The following LRP4 variants were observed in gnomAD, a reference collection of about 807,000 sequenced individuals.
The protein encoded by LRP4 is LDL receptor related protein 4.
LRP4 carries 95 observed loss-of-function variants against 220.3 expected under a neutral mutation model. That is an observed-to-expected ratio of 0.43 (90% CI 0.37 to 0.51). The LOEUF (loss-of-function observed/expected upper bound fraction) is 0.51. Among genes scored for constraint, LRP4 ranks in the 20% least tolerant of loss-of-function variants. The pLI is 0.00. For synonymous variants in LRP4, 903 were observed against 954.6 expected, an observed-to-expected ratio of 0.95 and a Z score of 1.00; for missense variants, 1,925 against 2,567.0, an observed-to-expected ratio of 0.75 and a Z score of 5.40.
chr11:46,900,330 C>T lies in LRP4; in HGVS notation c.248G>A (p.Cys83Tyr). ...GTCACACACCCAGGAGCGGCGGATG[C>T]ACTTGCCATTGTCACAGTGAAAGTC... Reference protein sequence around the residue: ...PLDFHCDNGKCIRRSWVCDGD... With the variant: ...PLDFHCDNGKYIRRSWVCDGD... Residue 83 changes from cysteine to tyrosine, a missense_variant, in exon 3 of 38, where the codon TGC (cysteine) becomes TAC (tyrosine). Transcript: ENST00000378623. The T allele has an allele frequency of 6.2e-7, 1 of 1,614,118 alleles. No individual in the cohort carries two copies. Among genetic ancestry groups the T allele is most frequent in the South Asian group, 1.1e-5 (1 of 91,080 alleles).
chr11:46,881,592 C>T lies in LRP4; in HGVS notation c.2814+110G>A, dbSNP rs1480007308. ...CATGCTGGTCCCATAACCTCCAGATCCCCTTATCTCCAATCAGCTGCCAGC... is the reference window on the plus strand; with the variant it reads ...CATGCTGGTCCCATAACCTCCAGATTCCCTTATCTCCAATCAGCTGCCAGC... On this transcript the variant is annotated intron_variant, in intron 20 of 37. Coordinates refer to ENST00000378623, the MANE Select transcript of LRP4 (RefSeq NM_002334.4). The T allele has an allele frequency of 3.5e-5, 36 of 1,030,890 alleles. No homozygotes were observed. In the Admixed American group the frequency reaches 6.0e-4, roughly 17 times the overall value. 63.9% of individuals were successfully genotyped at this position (1,030,890 alleles called of 1,614,324 possible).
In LRP4 at chr11:46,875,512, C is replaced by T; in HGVS notation, c.3869G>A (p.Arg1290Lys). The change falls in exon 27 of 38, where the codon AGG (arginine) becomes AAG (lysine). Residue 1290 changes from arginine to lysine, a missense_variant. By Grantham distance (26) the Arg-to-Lys change is conservative. Around this residue, in one of 3 missense-constraint regions of LRP4, gnomAD observed 1,244 missense variants for 1,624.9 expected, o/e 0.77. Coordinates refer to ENST00000378623, the MANE Select transcript of LRP4 (RefSeq NM_002334.4). The surrounding 1 kb of genome is among the most constrained non-coding windows in gnomAD (Gnocchi z 4.5). The stretch of plus-strand genomic sequence containing the variant: ...GTCCATGAGGCCTGGCAGGTTGGAC[C>T]TCACGAGGATGACATTGCTGCCAGT... ...KGTGSNVILV[R>K]SNLPGLMDMQ... 6.2e-7 allele frequency: 1 copy of T among 1,614,168 alleles called. No homozygotes were observed. Among genetic ancestry groups the T allele is most frequent in the Non-Finnish European group, 8.5e-7 (1 of 1,180,046 alleles).
intron 1 of LRP4, among the ~76,000 whole-genome samples, chr11:46,916,623 A>C (rs747643708): frequency 1.3e-5 from 2 of 150,940 alleles, no homozygotes; most frequent in African/African-American, 2.4e-5. Context: ...CTCAGCCCGG[A>C]ACCTTCCAGC....
At chr11:46,904,135 C>T (rs1226643282) in intron 1 of LRP4, among the ~76,000 whole-genome samples, 1 of 152,184 alleles carries the variant, frequency 6.6e-6, no homozygotes, top group Non-Finnish European at 1.5e-5. Context: ...AGGAGGGGGC[C>T]GCAGCGCATG....
rs757443033 is a variant in LRP4, at chr11:46,883,920, A to G, written c.2563T>C (p.Trp855Arg). The change falls in exon 19 of 38, where the codon TGG becomes CGG. Residue 855 changes from tryptophan (W) to arginine (R), a missense_variant. This residue lies in a region of LRP4 where 1,244 missense variants were observed against 1,624.9 expected (regional missense o/e 0.77). Coordinates refer to ENST00000378623, the MANE Select transcript of LRP4 (RefSeq NM_002334.4). ...TCCCGAGGACGATCAAGGTTCTCCC[A>G]GATGAGTACTGTTCTCATGCTGCCA... ...TDGSMRTVLI[W>R]ENLDRPRDIV... 4.3e-6 allele frequency: 7 copies of G among 1,614,240 alleles called. No homozygotes were observed. In the South Asian group the frequency reaches 7.7e-5, roughly 18 times the overall value.
At chr11:46,908,159 T>C (rs754415757) in intron 1 of LRP4, among the ~76,000 whole-genome samples, 9 of 152,232 alleles carry the variant, frequency 5.9e-5, no homozygotes, top group Non-Finnish European at 1.0e-4. Flanking sequence ...CTTAAATTCC[T>C]GACCTCATGA....
chr11:46,909,689 C>T (rs1432044285), intron 1 of LRP4, among the ~76,000 whole-genome samples: 1 of 143,058 alleles, frequency 7.0e-6, no homozygotes, highest in African/African-American at 2.6e-5. Flanking sequence ...TTAGCATATG[C>T]CTCTCTCCTT....
Position 46,881,828 on chromosome 11 carries a change from G to A in LRP4, c.2688C>T (p.Val896=), listed in dbSNP as rs185611698. 1.3e-5 allele frequency: 21 copies of A among 1,614,220 alleles called. No individual in the cohort carries two copies. Among genetic ancestry groups the A allele is most frequent in the East Asian group, 2.2e-5 (1 of 44,892 alleles). Reference sequence around the variant, plus strand: ...GCCAGGTCAGATTAGAAGAGATAATGACTTGGCGGCCTGAGGCATCCATGC... The same window carrying A: ...GCCAGGTCAGATTAGAAGAGATAATAACTTGGCGGCCTGAGGCATCCATGC... ...RAGMDASGRQ[V]IISSNLTWPN... Residue 896 remains valine, a synonymous_variant, in exon 20 of 38, where the codon GTC becomes GTT. Transcript: ENST00000378623.
chr11:46,905,869 A>G (rs1352967357), intron 1 of LRP4, among the ~76,000 whole-genome samples: 4 of 151,366 alleles, frequency 2.6e-5, no homozygotes, highest in Non-Finnish European at 4.4e-5. Flanking sequence ...AAAAAAAAAA[A>G]TCTATAACAT....
intron 20 of LRP4, among the ~76,000 whole-genome samples, chr11:46,880,496 G>T (rs1470825265): frequency 3.3e-5 from 5 of 152,052 alleles, no homozygotes; most frequent in Admixed American, 6.6e-5. Flanking sequence ...AGTAGCTAGG[G>T]TGCAGTAGTA....
chr11:46,866,790 C>A (rs945517628), intron 34 of LRP4, among the ~76,000 whole-genome samples: 2 of 152,044 alleles, frequency 1.3e-5, no homozygotes, highest in Admixed American at 1.3e-4. Context: ...CATAGTGGCA[C>A]ACATTTATAG....
intron 35 of LRP4, among the ~76,000 whole-genome samples, 161 bp from the exon 36 acceptor site, chr11:46,864,696 C>A (rs995307829): frequency 3.3e-5 from 5 of 152,138 alleles, no homozygotes; most frequent in Admixed American, 6.5e-5. Flanking sequence ...ATGGGAGGTG[C>A]AGGGAGGAGG....
rs1239248668 is a variant in LRP4 at position 46,875,945 on chromosome 11, C to G, written c.3558G>C (p.Trp1186Cys). ...HEMGFMYWTDWGENAKLERSG... is the reference protein window; with the variant it reads ...HEMGFMYWTDCGENAKLERSG... Reference sequence around the variant, plus strand: ...ACCGCTCTAACTTGGCATTCTCCCCCCAGTCTGTCCAGTACATAAACCTGA... The same window carrying G: ...ACCGCTCTAACTTGGCATTCTCCCCGCAGTCTGTCCAGTACATAAACCTGA... Residue 1186 changes from tryptophan to cysteine, a missense_variant, in exon 26 of 38, where the codon TGG becomes TGC. Transcript: ENST00000378623. The surrounding 1 kb of genome is among the most constrained non-coding windows in gnomAD (Gnocchi z 4.5). 4 of 1,614,180 alleles carry G rather than the reference C, an allele frequency of 2.5e-6. No individual in the cohort carries two copies. The highest frequency in any genetic ancestry group is 1.1e-5 in the South Asian group (1 of 91,082).
intron 30 of LRP4, among the ~76,000 whole-genome samples, 195 bp downstream of exon 30, chr11:46,872,905 C>G (rs902999424): frequency 6.6e-6 from 1 of 152,222 alleles, no homozygotes; most frequent in African/African-American, 2.4e-5. Flanking sequence ...ACCAGCCAAA[C>G]AAAACCCACA....
At chr11:46,898,471 C>T (rs1456026301) in intron 7 of LRP4, 87 bp downstream of exon 7, 8 of 1,584,174 alleles carry the variant, frequency 5.0e-6, no homozygotes, top group Non-Finnish European at 6.0e-6. Context: ...TAAGCATGAG[C>T]CACCGCGCCC....
chr11:46,885,094 T>A (rs568388572), intron 18 of LRP4, among the ~76,000 whole-genome samples: 58 of 151,896 alleles, frequency 3.8e-4, no homozygotes, highest in African/African-American at 1.4e-3. Flanking sequence ...CAAGCAATCC[T>A]CCCACTTCAG....
intron 1 of LRP4, among the ~76,000 whole-genome samples, chr11:46,903,685 G>A (rs1260288625): frequency 6.6e-6 from 1 of 152,176 alleles, no homozygotes; most frequent in Non-Finnish European, 1.5e-5. Flanking sequence ...GTTGGCCAGG[G>A]AGGGCAAGAA....
At chr11:46,888,548 C>CAAAAAAAAAAAATAAAAAAAAAAAAAAA (rs1941348300) in intron 16 of LRP4, among the ~76,000 whole-genome samples, 1 of 31,304 alleles carries the variant, frequency 3.2e-5, no homozygotes, top group Non-Finnish European at 7.2e-5. Context: ...AAAACTGTCT[C>CAAAAAAAAAAAATAAAAAAAAAAAAAAA]AAAAAAAAAA....
chr11:46,880,556 G>A (rs1013919865), intron 20 of LRP4, among the ~76,000 whole-genome samples: 7 of 152,154 alleles, frequency 4.6e-5, no homozygotes, highest in Non-Finnish European at 8.8e-5. Context: ...CCAGGAGGTC[G>A]CAGTTACAGT....
Sources: gnomAD v4.1 joint callset for allele counts (sites outside exome capture counted in the v4.1 genomes callset) on GRCh38, gnomAD v4.1.1 for gene constraint, gnomAD v4.1.1 regional missense constraint, Gnocchi (gnomAD v3.1) non-coding constraint, MANE v1.5 for transcripts, NCBI Gene and HGNC (gene_info 2026-07-23, HGNC 2026-07-21) for gene names.